GOLGA3: variants seen among roughly 807,000 people sequenced by gnomAD.
GOLGA3 encodes golgin A3.
In GOLGA3, 75 loss-of-function variants were observed where a neutral mutation model predicts 169.4. The ratio of observed to expected loss-of-function variants is 0.44; its 90% confidence interval spans 0.37 to 0.54. GOLGA3 has a LOEUF of 0.54. GOLGA3 is among the 20% of genes least tolerant of loss of function. The pLI is 0.00. For synonymous variants in GOLGA3, 824 were observed against 822.4 expected (o/e 1.00, Z -0.03); for missense variants, 1,899 against 1,930.0 (o/e 0.98, Z 0.30).
chr12:132,785,345 G>A (rs1593257505), intron 15 of GOLGA3, among the ~76,000 whole-genome samples: 3 of 152,192 alleles, frequency 2.0e-5, no homozygotes, highest in Middle Eastern at 3.4e-3. Context: ...AGTCTCTATC[G>A]CCCGGGCTGG....
intron 22 of GOLGA3, chr12:132,774,917 A>G (rs1158240445): frequency 1.2e-5 from 7 of 568,676 alleles, no homozygotes; most frequent in Non-Finnish European, 2.2e-5. Context: ...ATTACAACAA[A>G]GTGGTATTTG....
At position 132,795,967 on chromosome 12, in the gene GOLGA3, G is replaced by T; in HGVS notation, c.2354C>A (p.Ala785Asp). The change falls in exon 11 of 24, where the codon GCC (alanine) becomes GAC (aspartate). Residue 785 changes from alanine (A) to aspartate (D), a missense_variant. Transcript: ENST00000450791. ...GTCAAGCTCCTCCTTGCCACTCTTG[G>T]CCGCCTGCAAAGCCGCCTCCAAGAT... ...KIILEAALQAAKSGKEELDRG... is the reference protein window; with the variant it reads ...KIILEAALQADKSGKEELDRG... The T allele has an allele frequency of 1.2e-6, 2 of 1,613,772 alleles. No homozygotes were observed. The highest frequency in any genetic ancestry group is 1.7e-6 in the Non-Finnish European group (2 of 1,180,016).
At chr12:132,780,128 C>CAT (rs2045508696) in intron 18 of GOLGA3, among the ~76,000 whole-genome samples, 20 of 91,984 alleles carry the variant, frequency 2.2e-4, no homozygotes, top group Middle Eastern at 0.019. Flanking sequence ...CGTGCACACA[C>CAT]CCCAGGCACA....
chr12:132,777,218 C>T lies in GOLGA3; in HGVS notation c.3723-128G>A. 1 of 1,006,132 alleles carries T rather than the reference C, an allele frequency of 9.9e-7. No individual in the cohort carries two copies. The highest frequency in any genetic ancestry group is 1.4e-6 in the Non-Finnish European group (1 of 695,918). The allele number at this position is 1,006,132 out of a possible 1,614,324, so 62.3% of individuals were successfully genotyped here. ...GCCCTCTGCTGTGCACTGCGTGCTG[C>T]AGCCATGCTTGGTGCCCACAGTGTG... On this transcript the variant is annotated intron_variant, in intron 19 of 23. Transcript: ENST00000450791. This position sits in a 1 kb window ranked among gnomAD's most constrained non-coding sequence, Gnocchi z 4.7.
intron 8 of GOLGA3, 131 bp downstream of exon 8, chr12:132,801,636 T>A: frequency 1.2e-6 from 1 of 821,302 alleles, no homozygotes; most frequent in South Asian, 1.6e-5. Flanking sequence ...GGACACGGGG[T>A]GGGCTGGACA....
At chr12:132,784,787 CAT>C (rs34515035) in intron 15 of GOLGA3, among the ~76,000 whole-genome samples, 49,099 of 150,740 alleles carry the variant, frequency 0.33, 8,202 homozygotes, top group East Asian at 0.51. Flanking sequence ...CACACATGCA[CAT>C]GTGCTCACAC....
chr12:132,819,434 C>T (rs1042820741), intron 2 of GOLGA3, among the ~76,000 whole-genome samples: 2 of 152,048 alleles, frequency 1.3e-5, no homozygotes, highest in African/African-American at 2.4e-5. Flanking sequence ...GAGGCTGAGG[C>T]AGAAGAATGG....
In GOLGA3 at chr12:132,804,736, A is replaced by G; in HGVS notation, c.1577T>C (p.Met526Thr). 6.2e-7 allele frequency: 1 copy of G among 1,613,566 alleles called. No homozygotes were observed. Among genetic ancestry groups the G allele is most frequent in the Non-Finnish European group, 8.5e-7 (1 of 1,179,510 alleles). The change falls in exon 7 of 24, where the codon ATG (methionine) becomes ACG (threonine). Residue 526 changes from methionine (M) to threonine (T), a missense_variant. Met to Thr is a moderately conservative substitution (Grantham distance 81). Coordinates refer to ENST00000450791, the MANE Select transcript of GOLGA3 (RefSeq NM_001389683.1). This position sits in a 1 kb window ranked among gnomAD's most constrained non-coding sequence, Gnocchi z 4.1. ...CTCACCTGTGTTGTCCTTGCTGAGCATGCTCCTCTGCATGTCCTCTACCTT... is the reference window on the plus strand; with the variant it reads ...CTCACCTGTGTTGTCCTTGCTGAGCGTGCTCCTCTGCATGTCCTCTACCTT... ...MAKVEDMQRS[M>T]LSKDNTVHDL... is the part of the protein sequence containing the mutation.
At chr12:132,780,571 C>T (rs891393014) in intron 18 of GOLGA3, among the ~76,000 whole-genome samples, 9 of 152,250 alleles carry the variant, frequency 5.9e-5, no homozygotes, top group African/African-American at 1.4e-4. Context: ...TACACATGCA[C>T]GCGGAGCTCA....
intron 6 of GOLGA3, among the ~76,000 whole-genome samples, chr12:132,806,906 C>T (rs1949433831): frequency 6.6e-6 from 1 of 152,118 alleles, no homozygotes; most frequent in Non-Finnish European, 1.5e-5. Flanking sequence ...GAGAATTTGA[C>T]TCTTATGGAC....
chr12:132,816,445 A>G (rs2136703185), intron 3 of GOLGA3, 95 bp downstream of exon 3: 5 of 1,319,510 alleles, frequency 3.8e-6, no homozygotes, highest in Non-Finnish European at 5.3e-6. Flanking sequence ...ACAGGCACAC[A>G]ACAGCTCAGA....
chr12:132,779,631 C>T (rs1355725135), intron 18 of GOLGA3, among the ~76,000 whole-genome samples: 2 of 152,190 alleles, frequency 1.3e-5, no homozygotes, highest in Non-Finnish European at 2.9e-5. Flanking sequence ...GTGTTCTTTC[C>T]TGCCTTTCTC....
chr12:132,782,401 C>T lies in GOLGA3; in HGVS notation c.3360G>A (p.Lys1120=), dbSNP rs1243221617. 1 of 1,614,230 alleles carries T rather than the reference C, an allele frequency of 6.2e-7. No individual in the cohort carries two copies. ...CGTTGGACTGACCGAGGCCCGTAAGCTTCCCTTTCTCGTGCTCTAATTCAA... is the reference window on the plus strand; with the variant it reads ...CGTTGGACTGACCGAGGCCCGTAAGTTTCCCTTTCTCGTGCTCTAATTCAA... ...LALELEHEKG[K]LTGLGQSNAA... Residue 1120 remains lysine, a synonymous_variant, in exon 17 of 24, where the codon AAG becomes AAA. Coordinates refer to ENST00000450791, the MANE Select transcript of GOLGA3 (RefSeq NM_001389683.1).
intron 3 of GOLGA3, among the ~76,000 whole-genome samples, chr12:132,816,106 G>A (rs956008558): frequency 6.6e-6 from 1 of 152,238 alleles, no homozygotes. Context: ...GCCGAGGCAG[G>A]TGAATGGCAT....
Position 132,783,881 on chromosome 12 carries a change from G to C in GOLGA3, c.3267+283C>G, listed in dbSNP as rs1052889408. 13 of 1,424,772 alleles carry C rather than the reference G, an allele frequency of 9.1e-6. No individual in the cohort carries two copies. In the African/African-American group the frequency reaches 1.6e-4, roughly 17 times the overall value. The allele number at this position is 1,424,772 out of a possible 1,614,324, so 88.3% of individuals were successfully genotyped here. A position where few individuals can be genotyped will look rare whatever the true frequency, so the allele number is the denominator to read the frequency against. ...ATGAGCCACTCGCCTGGCGAAGTTG[G>C]GTTTCTTATTTGCAACCAAAGCATT... is the stretch of plus-strand genomic sequence containing the variant. On this transcript the variant is annotated intron_variant, in intron 16 of 23. Coordinates refer to ENST00000450791, the MANE Select transcript of GOLGA3 (RefSeq NM_001389683.1).
At position 132,789,178 on chromosome 12, in the gene GOLGA3, A is replaced by G. The variant is rs2046091666; in HGVS notation, c.2660T>C (p.Leu887Pro). ...CCGCTTCTCCCCGTGCACTTGCATC[A>G]GCTCCTGCCGCAGCTCCTTCAGCTC... The part of the protein sequence containing the change: ...DSELKELRQE[L>P]MQVHGEKRTA... Residue 887 changes from leucine to proline, a missense_variant, in exon 13 of 24, where the codon CTG becomes CCG. Physicochemically the swap from Leu to Pro is moderately conservative, Grantham distance 98. Transcript: ENST00000450791. 21 of 1,611,862 alleles carry G rather than the reference A, an allele frequency of 1.3e-5. No individual in the cohort carries two copies. The highest frequency in any genetic ancestry group is 1.4e-5 in the Non-Finnish European group (17 of 1,180,024).
intron 1 of GOLGA3, chr12:132,825,724 T>C (rs1203434786): frequency 1.0e-5 from 16 of 1,535,874 alleles, no homozygotes; most frequent in Admixed American, 1.7e-5. Context: ...AGACTGAGCG[T>C]GCCTACCAAA....
At position 132,804,972 on chromosome 12, in the gene GOLGA3, C is replaced by T. The variant is rs150743076; in HGVS notation, c.1341G>A (p.Thr447=). The change falls in exon 7 of 24, where the codon ACG becomes ACA. Residue 447 remains threonine, a synonymous_variant. Coordinates refer to ENST00000450791, the MANE Select transcript of GOLGA3 (RefSeq NM_001389683.1). The surrounding 1 kb of genome is among the most constrained non-coding windows in gnomAD (Gnocchi z 4.1). ...TGCACTCCACCTGCGCCTGCAGCTT[C>T]GTGCTGAGGGCGGCCAGCTGGGCCT... The part of the protein sequence containing the change: ...ELQAQLAALS[T]KLQAQVECSH... 3.9e-5 allele frequency: 63 copies of T among 1,612,574 alleles called. No homozygotes were observed. In the African/African-American group the frequency reaches 5.9e-4, roughly 15 times the overall value.
chr12:132,782,466 T>G lies in GOLGA3; in HGVS notation c.3295A>C (p.Lys1099Gln). ...ELQESRGFRK[K>Q]IKRLEESNKK... ...TTTGACTCCTCAAGGCGTTTTATCT[T>G]CTTCCTAAAGCCTCTGGATTCTTGA... The change falls in exon 17 of 24, where the codon AAG (lysine) becomes CAG (glutamine). Residue 1099 changes from lysine to glutamine, a missense_variant. By Grantham distance (53) the Lys-to-Gln change is moderately conservative (BLOSUM62 1). Transcript: ENST00000450791. 1 of 1,614,064 alleles carries G rather than the reference T, an allele frequency of 6.2e-7. No homozygotes were observed. The highest frequency in any genetic ancestry group is 8.5e-7 in the Non-Finnish European group (1 of 1,179,886).
Sources: allele counts gnomAD v4.1 joint callset (sites outside exome capture counted in the v4.1 genomes callset), GRCh38; gene constraint gnomAD v4.1.1; non-coding constraint Gnocchi (gnomAD v3.1); transcripts MANE v1.5; gene names NCBI Gene and HGNC (gene_info 2026-07-23, HGNC 2026-07-21).